ENTPD1: variants seen among roughly 807,000 people sequenced by gnomAD.
ENTPD1 encodes the protein ectonucleoside triphosphate diphosphohydrolase 1.
ENTPD1 carries 33 observed loss-of-function variants against 57.0 expected under a neutral mutation model. That is an observed-to-expected ratio of 0.58 (90% CI 0.44 to 0.77). The LOEUF is 0.77. Ranked by LOEUF, ENTPD1 falls within the 30% of genes least tolerant of loss-of-function variation. ENTPD1 has a pLI of 0.00. For synonymous variants in ENTPD1, 202 were observed against 218.8 expected (o/e 0.92, Z 0.68); for missense variants, 501 against 603.4 (o/e 0.83, Z 1.78).
chr10:95,826,554 A>C (rs2098377379), intron 2 of ENTPD1, among the ~76,000 whole-genome samples: 1 of 144,548 alleles, frequency 6.9e-6, no homozygotes, highest in African/African-American at 2.6e-5. Flanking sequence ...CTTGGGCTAC[A>C]GAGTGAGACG....
intron 1 of ENTPD1, among the ~76,000 whole-genome samples, chr10:95,772,029 ATACTG>A (rs1484639993): frequency 6.6e-6 from 1 of 152,340 alleles, no homozygotes; most frequent in South Asian, 2.1e-4. Context: ...TGTTTACACT[ATACTG>A]TATCTATTAA....
chr10:95,772,053 T>C (rs148424105), intron 1 of ENTPD1, among the ~76,000 whole-genome samples: 3 of 152,336 alleles, frequency 2.0e-5, no homozygotes, highest in Non-Finnish European at 2.9e-5. Context: ...AAGTGTACAA[T>C]AGCATTATGT....
intron 1 of ENTPD1, among the ~76,000 whole-genome samples, chr10:95,774,218 T>C (rs1422649699): frequency 2.0e-5 from 3 of 152,240 alleles, no homozygotes; most frequent in Non-Finnish European, 4.4e-5. Flanking sequence ...TCTTTGTAGA[T>C]TCTGGATATT....
chr10:95,857,717 C>G (rs1198461919), intron 7 of ENTPD1, among the ~76,000 whole-genome samples: 1 of 152,212 alleles, frequency 6.6e-6, no homozygotes, highest in African/African-American at 2.4e-5. Context: ...ACGGAGCACT[C>G]ACATATGCCA....
Position 95,875,190 on chromosome 10 carries a change from C to G in ENTPD1, c.*8807C>G, listed in dbSNP as rs2141039541. On this transcript the variant is annotated 3_prime_UTR_variant, in exon 10 of 10. Coordinates refer to ENST00000371205, the MANE Select transcript of ENTPD1 (RefSeq NM_001776.6). Reference sequence around the variant, plus strand: ...ACTGCATCATCAGGCTGCAGATTTTCCACATTTATGCTCTTGTTTCCCTTT... The same window carrying G: ...ACTGCATCATCAGGCTGCAGATTTTGCACATTTATGCTCTTGTTTCCCTTT... The G allele has an allele frequency of 6.6e-6, 1 of 152,326 alleles. No homozygotes were observed. Among genetic ancestry groups the G allele is most frequent in the South Asian group, 2.1e-4 (1 of 4,828 alleles). The allele number at this position is 152,326 out of a possible 1,614,324, so 9.4% of individuals were successfully genotyped here.
intron 1 of ENTPD1, among the ~76,000 whole-genome samples, chr10:95,802,853 T>C (rs2098255848): frequency 6.6e-6 from 1 of 152,154 alleles, no homozygotes; most frequent in African/African-American, 2.4e-5. Context: ...AATCCATCAC[T>C]GATGGACATT....
At chr10:95,828,878 T>A (rs529156572) in intron 2 of ENTPD1, among the ~76,000 whole-genome samples, 1 of 152,230 alleles carries the variant, frequency 6.6e-6, no homozygotes, top group Non-Finnish European at 1.5e-5. Flanking sequence ...ACCCGGCTAA[T>A]TTTTGTATTT....
chr10:95,851,882 G>A (rs1464157401), intron 7 of ENTPD1, among the ~76,000 whole-genome samples: 3 of 151,912 alleles, frequency 2.0e-5, no homozygotes, highest in African/African-American at 7.3e-5. Context: ...TAGTGCCGCA[G>A]TAAACATACG....
chr10:95,831,180 T>C (rs1397117998), intron 2 of ENTPD1, among the ~76,000 whole-genome samples: 1 of 152,224 alleles, frequency 6.6e-6, no homozygotes, highest in Non-Finnish European at 1.5e-5. Flanking sequence ...CGAATGCTTC[T>C]GTTTAAAGAG....
chr10:95,713,839 C>A (rs1005976004), intron 1 of ENTPD1, among the ~76,000 whole-genome samples: 1 of 152,186 alleles, frequency 6.6e-6, no homozygotes, highest in Non-Finnish European at 1.5e-5. Flanking sequence ...AATCTATCAA[C>A]TATTTTTATA....
At chr10:95,696,468 CG>C in the ENTPD1 span, among the ~76,000 whole-genome samples, 3 of 152,020 alleles carry the variant, frequency 2.0e-5, no homozygotes, top group Non-Finnish European at 2.9e-5. Context: ...GTAGTAGAGA[CG>C]GAGTTTCACC....
At chr10:95,781,149 C>T (rs2098156009) in intron 1 of ENTPD1, among the ~76,000 whole-genome samples, 1 of 152,082 alleles carries the variant, frequency 6.6e-6, no homozygotes. Context: ...TGAAATAAGT[C>T]AGGCACAGAA....
chr10:95,820,138 C>G (rs1462288562), intron 1 of ENTPD1, among the ~76,000 whole-genome samples: 1 of 152,212 alleles, frequency 6.6e-6, no homozygotes, highest in Non-Finnish European at 1.5e-5. Context: ...TGAGATGACT[C>G]TCCTGCTTCC....
intron 7 of ENTPD1, among the ~76,000 whole-genome samples, chr10:95,856,513 A>G (rs2098455011): frequency 6.6e-6 from 1 of 152,142 alleles, no homozygotes; most frequent in African/African-American, 2.4e-5. Flanking sequence ...AGAGGAAAAT[A>G]AGTCATTGTA....
chr10:95,747,276 T>A (rs2098007027), intron 1 of ENTPD1, among the ~76,000 whole-genome samples: 1 of 152,238 alleles, frequency 6.6e-6, no homozygotes, highest in East Asian at 1.9e-4. Context: ...TTGAACACTT[T>A]GACATACGTT....
intron 1 of ENTPD1, among the ~76,000 whole-genome samples, chr10:95,758,219 G>A (rs1324561035): frequency 6.6e-6 from 1 of 151,936 alleles, no homozygotes; most frequent in Non-Finnish European, 1.5e-5. Flanking sequence ...GGGCCTATCT[G>A]GTACTCTGCT....
chr10:95,768,728 C>A (rs924554510), intron 1 of ENTPD1, among the ~76,000 whole-genome samples: 3 of 151,952 alleles, frequency 2.0e-5, no homozygotes, highest in African/African-American at 7.3e-5. Context: ...GTACAGAGTT[C>A]AAAAAAACAA....
chr10:95,752,671 A>G (rs1297908345), upstream of ENTPD1, among the ~76,000 whole-genome samples: 1 of 152,182 alleles, frequency 6.6e-6, no homozygotes, highest in Non-Finnish European at 1.5e-5. Context: ...GTCTCAAAAA[A>G]AAAGTTACCA....
At chr10:95,741,065 C>T (rs370802193) in intron 1 of ENTPD1, among the ~76,000 whole-genome samples, 27 of 152,116 alleles carry the variant, frequency 1.8e-4, no homozygotes, top group East Asian at 3.8e-4. Context: ...ATTTTCTTTG[C>T]GTTCATAACT....
Sources: allele counts gnomAD v4.1 joint callset (sites outside exome capture counted in the v4.1 genomes callset), GRCh38; gene constraint gnomAD v4.1.1; transcripts MANE v1.5; gene names NCBI Gene and HGNC (gene_info 2026-07-23, HGNC 2026-07-21).